JAK3: variants seen among roughly 807,000 people sequenced by gnomAD.
The protein encoded by JAK3 is Janus kinase 3.
A neutral mutation model predicts 120.8 loss-of-function variants in JAK3; 88 were observed. The observed-to-expected ratio is 0.73, with a 90% CI of 0.61 to 0.87. The LOEUF (loss-of-function observed/expected upper bound fraction) is 0.87. JAK3 is among the 40% of genes least tolerant of loss of function. The pLI, the probability that JAK3 is intolerant of heterozygous loss-of-function variation, is 0.00. For synonymous variants in JAK3, 592 were observed against 628.6 expected (o/e 0.94, Z 0.87); for missense variants, 1,254 against 1,501.4 (o/e 0.84, Z 2.72).
Position 17,843,245 on chromosome 19 carries a change from C to T in JAK3, c.421-73G>A. On this transcript the variant is annotated intron_variant, in intron 4 of 23. Coordinates refer to ENST00000458235, the MANE Select transcript of JAK3 (RefSeq NM_000215.4). The surrounding 1 kb of genome is among the most constrained non-coding windows in gnomAD (Gnocchi z 5.4). ...GCCCTGTTGTTAACCTGCAGACCCC[C>T]CCAATCCTGGGCTGACCCCCACCCC... is the stretch of plus-strand genomic sequence containing the variant. 1 of 1,554,160 alleles carries T rather than the reference C, an allele frequency of 6.4e-7. No individual in the cohort carries two copies. The highest frequency in any genetic ancestry group is 1.9e-5 in the Admixed American group (1 of 51,946).
chr19:17,828,701 A>C (rs1475058315), intron 23 of JAK3, among the ~76,000 whole-genome samples: 3 of 152,086 alleles, frequency 2.0e-5, no homozygotes, highest in Non-Finnish European at 4.4e-5. Context: ...GAATGTTCTT[A>C]TCAGATTTTG....
At chr19:17,839,354 T>C in intron 10 of JAK3, 123 bp downstream of exon 10, 1 of 921,238 alleles carries the variant, frequency 1.1e-6, no homozygotes, top group Non-Finnish European at 1.7e-6. Context: ...CAAATCACCT[T>C]TTCTTCCCTA....
chr19:17,844,011 C>T, intron 2 of JAK3, 111 bp from the exon 3 acceptor site: 1 of 1,381,858 alleles, frequency 7.2e-7, no homozygotes, highest in Non-Finnish European at 1.0e-6. Context: ...AAGGTATGAC[C>T]AGCTGTTCCC....
At position 17,832,397 on chromosome 19, in the gene JAK3, A is replaced by G. The variant is rs1703113064; in HGVS notation, c.2680+122T>C. The G allele has an allele frequency of 2.0e-6, 2 of 989,844 alleles. No homozygotes were observed. Among genetic ancestry groups the G allele is most frequent in the Admixed American group, 1.7e-5 (1 of 57,334 alleles). The allele number at this position is 989,844 out of a possible 1,614,324, so 61.3% of individuals were successfully genotyped here. A position where few individuals can be genotyped will look rare whatever the true frequency, so the allele number is the denominator to read the frequency against. On this transcript the variant is annotated intron_variant, in intron 19 of 23. Coordinates refer to ENST00000458235, the MANE Select transcript of JAK3 (RefSeq NM_000215.4). This position sits in a 1 kb window ranked among gnomAD's most constrained non-coding sequence, Gnocchi z 4.7. ...GAGTCAGGATTCAAACCTGTAACCC[A>G]TGTGAATCTGGATCAATAATCACGT...
At chr19:17,834,038 CCAAA>C in intron 17 of JAK3, among the ~76,000 whole-genome samples, 1 of 152,084 alleles carries the variant, frequency 6.6e-6, no homozygotes, top group Admixed American at 6.6e-5. Flanking sequence ...CTGCGCCCAG[CCAAA>C]CATTTTTTTA....
chr19:17,838,712 ATTTTTT>A (rs35486965), intron 10 of JAK3, among the ~76,000 whole-genome samples: 3 of 99,324 alleles, frequency 3.0e-5, no homozygotes, highest in African/African-American at 1.1e-4. Context: ...TGCCCGGCTA[ATTTTTT>A]TTTTTTTTTT....
At position 17,830,649 on chromosome 19, in the gene JAK3, G is replaced by A. The variant is rs1430314139; in HGVS notation, c.2979-29C>T. On this transcript the variant is annotated intron_variant, in intron 21 of 23. Transcript: ENST00000458235. ...GAGAGGGGACAAGGTCTTGAGATGC[G>A]AGGGTGTAGAAAGGACAGGAAGAGG... 3 of 1,577,136 alleles carry A rather than the reference G, an allele frequency of 1.9e-6. No individual in the cohort carries two copies. The South Asian group carries it at 3.3e-5, about 17-fold the overall frequency.
intron 23 of JAK3, among the ~76,000 whole-genome samples, chr19:17,829,048 C>T (rs889707817): frequency 6.6e-6 from 1 of 152,118 alleles, no homozygotes; most frequent in African/African-American, 2.4e-5. Flanking sequence ...AATCTCAGCA[C>T]TTTGGGAGGC....
chr19:17,829,147 CTTAT>C (rs970984554), intron 23 of JAK3, among the ~76,000 whole-genome samples: 37 of 150,640 alleles, frequency 2.5e-4, no homozygotes, highest in African/African-American at 8.1e-4. Context: ...TTATTTTTAT[CTTAT>C]TTGTTTGTTT....
intron 17 of JAK3, among the ~76,000 whole-genome samples, chr19:17,833,593 T>G (rs1242172498): frequency 6.7e-6 from 1 of 148,452 alleles, no homozygotes; most frequent in Non-Finnish European, 1.5e-5. Flanking sequence ...GGCTCATGCC[T>G]GTAATCCCAG....
rs893618063 is a variant in JAK3, at chr19:17,842,006, C to A, written c.862-244G>T. ...GCCGGACCCCGCCCCTTGATCCCTGCCCCGCTTCGCAGCCTCCCAGCTCTC... is the reference window on the plus strand; with the variant it reads ...GCCGGACCCCGCCCCTTGATCCCTGACCCGCTTCGCAGCCTCCCAGCTCTC... On this transcript the variant is annotated intron_variant, in intron 6 of 23. Coordinates refer to ENST00000458235, the MANE Select transcript of JAK3 (RefSeq NM_000215.4). This position sits in a 1 kb window ranked among gnomAD's most constrained non-coding sequence, Gnocchi z 6.4. Among the ~76,000 whole-genome samples the A allele has an allele frequency of 8.6e-5, 13 of 152,004 alleles. No individual in the cohort carries two copies. Among genetic ancestry groups the A allele is most frequent in the Middle Eastern group, 3.4e-3 (1 of 294 alleles).
At chr19:17,827,651 T>A (rs1173604667) in intron 23 of JAK3, among the ~76,000 whole-genome samples, 3 of 142,382 alleles carry the variant, frequency 2.1e-5, no homozygotes, top group Admixed American at 7.5e-5. Context: ...CCAGCCCTTA[T>A]GGATTTTACA....
chr19:17,832,746 G>A lies in JAK3; in HGVS notation c.2491-38C>T. The A allele has an allele frequency of 6.2e-7, 1 of 1,614,184 alleles. No individual in the cohort carries two copies. Among genetic ancestry groups the A allele is most frequent in the South Asian group, 1.1e-5 (1 of 91,086 alleles). On this transcript the variant is annotated intron_variant, in intron 18 of 23. Coordinates refer to ENST00000458235, the MANE Select transcript of JAK3 (RefSeq NM_000215.4). This position sits in a 1 kb window ranked among gnomAD's most constrained non-coding sequence, Gnocchi z 4.7. ...GGGACTGATGTCCAGGCACCTGGAT[G>A]CTGCCCTGCCCTCTCCAACCCACCC...
At chr19:17,839,456 C>G (rs1486139809) in intron 10 of JAK3, 21 bp downstream of exon 10, 4 of 1,559,944 alleles carry the variant, frequency 2.6e-6, no homozygotes, top group Non-Finnish European at 3.5e-6. Context: ...GCCACTCATT[C>G]CAGGGGAGGA....
intron 23 of JAK3, among the ~76,000 whole-genome samples, chr19:17,829,227 T>C (rs2094209384): frequency 6.6e-6 from 1 of 152,134 alleles, no homozygotes. Context: ...TGCAGTGGCA[T>C]GATCTTGGCT....
chr19:17,825,546 C>T lies in JAK3; in HGVS notation c.*1197G>A, dbSNP rs3213415. 1,502 of 199,536 alleles carry T rather than the reference C, an allele frequency of 7.5e-3. 9 individuals are homozygous for T. Among genetic ancestry groups the T allele is most frequent in the Middle Eastern group, 0.019 (11 of 578 alleles). 12.4% of individuals were successfully genotyped at this position (199,536 alleles called of 1,614,324 possible). A position where few individuals can be genotyped will look rare whatever the true frequency, so the allele number is the denominator to read the frequency against. ...CAGAGTCCCAGCCACAGCAACTGCTCTTGTCCTTGGCTTCCTCCAGAGAAA... is the reference window on the plus strand; with the variant it reads ...CAGAGTCCCAGCCACAGCAACTGCTTTTGTCCTTGGCTTCCTCCAGAGAAA... On this transcript the variant is annotated 3_prime_UTR_variant, in exon 24 of 24. Coordinates refer to ENST00000458235, the MANE Select transcript of JAK3 (RefSeq NM_000215.4).
At chr19:17,827,932 C>T (rs899567623) in intron 23 of JAK3, among the ~76,000 whole-genome samples, 1 of 151,140 alleles carries the variant, frequency 6.6e-6, no homozygotes, top group Non-Finnish European at 1.5e-5. Context: ...AAAAACACCA[C>T]CTCTCCCTGA....
rs1226714350 is a variant in JAK3 at position 17,826,012 on chromosome 19, C to T, written c.*731G>A. ...ATTTAGGAGGATAAGGCAGGAGGAT[C>T]ACTGTAGCCCAGGAGTTCAAGACCA... On this transcript the variant is annotated 3_prime_UTR_variant, in exon 24 of 24. Coordinates refer to ENST00000458235, the MANE Select transcript of JAK3 (RefSeq NM_000215.4). 6.7e-6 allele frequency: 1 copy of T among 150,236 alleles called. No individual in the cohort carries two copies. Among genetic ancestry groups the T allele is most frequent in the East Asian group, 1.9e-4 (1 of 5,142 alleles). 9.3% of individuals were successfully genotyped at this position (150,236 alleles called of 1,614,324 possible).
Position 17,841,586 on chromosome 19 carries a change from G to T in JAK3, c.985-40C>A, listed in dbSNP as rs1199886179. 6.2e-7 allele frequency: 1 copy of T among 1,610,012 alleles called. No individual in the cohort carries two copies. The highest frequency in any genetic ancestry group is 8.5e-7 in the Non-Finnish European group (1 of 1,178,314). The stretch of plus-strand genomic sequence containing the variant: ...CGTCAGAGCCCAGTGAAACCCGAGG[G>T]TGCCGGTCCCGCCCTCGGGGTAAGG... On this transcript the variant is annotated intron_variant, in intron 7 of 23. Transcript: ENST00000458235. The surrounding 1 kb of genome is among the most constrained non-coding windows in gnomAD (Gnocchi z 4.1).
Sources: allele counts gnomAD v4.1 joint callset (sites outside exome capture counted in the v4.1 genomes callset), GRCh38; gene constraint gnomAD v4.1.1; non-coding constraint Gnocchi (gnomAD v3.1); transcripts MANE v1.5; gene names NCBI Gene and HGNC (gene_info 2026-07-23, HGNC 2026-07-21).